The following FBXL13 variants were observed in gnomAD, a reference collection of about 807,000 sequenced individuals.
The protein encoded by FBXL13 is F-box and leucine-rich repeat protein 13.
A neutral mutation model predicts 83.6 loss-of-function variants in FBXL13; 67 were observed. The observed-to-expected ratio is 0.80, with a 90% CI of 0.66 to 0.98. FBXL13 has a LOEUF of 0.98. Among genes scored for constraint, FBXL13 ranks in the 50% least tolerant of loss-of-function variants. The pLI, the probability that FBXL13 is intolerant of heterozygous loss-of-function variation, is 0.00. For synonymous variants in FBXL13, 272 were observed against 299.5 expected (o/e 0.91, Z 0.95); for missense variants, 822 against 866.5 (o/e 0.95, Z 0.64).
chr7:102,933,885 G>T (rs1185837608), intron 8 of FBXL13: 2 of 1,563,524 alleles, frequency 1.3e-6, no homozygotes, highest in African/African-American at 2.7e-5. Context: ...TCTGTAACAC[G>T]AAGTAATTGG....
At chr7:102,952,126 G>A (rs1349228495) in intron 8 of FBXL13, among the ~76,000 whole-genome samples, 2 of 152,076 alleles carry the variant, frequency 1.3e-5, no homozygotes, top group South Asian at 2.1e-4. Flanking sequence ...ACTTATATGC[G>A]GCACCTAGAG....
At chr7:103,024,608 GA>G (rs869125542) in intron 6 of FBXL13, among the ~76,000 whole-genome samples, 3 of 148,922 alleles carry the variant, frequency 2.0e-5, no homozygotes, top group Admixed American at 6.7e-5. Flanking sequence ...AAGTGTGGGG[GA>G]AAAAAATCTC....
chr7:102,983,422 C>CTTTT (rs372458751), intron 6 of FBXL13, among the ~76,000 whole-genome samples: 5 of 111,594 alleles, frequency 4.5e-5, no homozygotes, highest in Non-Finnish European at 1.9e-5. Context: ...CTTTTTTCCC[C>CTTTT]TTTTTTTTTT....
At chr7:102,976,688 T>G (rs1032980637) in intron 6 of FBXL13, among the ~76,000 whole-genome samples, 2 of 152,084 alleles carry the variant, frequency 1.3e-5, no homozygotes, top group Non-Finnish European at 2.9e-5. Flanking sequence ...CCAGTTCCTA[T>G]CACAGAAGCA....
intron 8 of FBXL13, among the ~76,000 whole-genome samples, chr7:102,960,514 A>G (rs562919310): frequency 1.3e-3 from 202 of 151,482 alleles, no homozygotes; most frequent in African/African-American, 4.7e-3. Context: ...TACCAAAGCC[A>G]GGCAGAGACA....
intron 6 of FBXL13, among the ~76,000 whole-genome samples, chr7:103,023,539 T>G (rs1437504079): frequency 6.6e-6 from 1 of 152,162 alleles, no homozygotes; most frequent in Admixed American, 6.5e-5. Context: ...GTAAATTAGC[T>G]CAGCCATTGT....
At chr7:102,973,109 T>C (rs1198556088) in intron 6 of FBXL13, 1 of 169,040 alleles carries the variant, frequency 5.9e-6, no homozygotes, top group Non-Finnish European at 1.3e-5. Context: ...AAATTCTCCA[T>C]GATTTCACTT....
chr7:103,060,020 T>TATA (rs1797705656), intron 1 of FBXL13, among the ~76,000 whole-genome samples: 2 of 50,072 alleles, frequency 4.0e-5, no homozygotes, highest in Non-Finnish European at 8.1e-5. Context: ...GCAAGATATT[T>TATA]TATATATATA....
intron 11 of FBXL13, among the ~76,000 whole-genome samples, chr7:102,908,019 A>G (rs1299845317): frequency 6.6e-6 from 1 of 152,206 alleles, no homozygotes; most frequent in Non-Finnish European, 1.5e-5. Flanking sequence ...TTCCTGAAGG[A>G]TCTAGAACTA....
At chr7:102,882,932 A>G (rs1056345506) in intron 14 of FBXL13, among the ~76,000 whole-genome samples, 3 of 152,146 alleles carry the variant, frequency 2.0e-5, no homozygotes, top group African/African-American at 7.2e-5. Flanking sequence ...CCAGTACCCA[A>G]GAGGAAAACC....
rs80028503 is a variant in FBXL13 at position 102,935,642 on chromosome 7, T to C, written c.725-3709A>G. Reference sequence around the variant, plus strand: ...AGCTAAGAAAACAGACGGGAGATTTTAGTAATGCTCTTGACATGTTAGTGA... The same window carrying C: ...AGCTAAGAAAACAGACGGGAGATTTCAGTAATGCTCTTGACATGTTAGTGA... On this transcript the variant is annotated intron_variant, in intron 8 of 19. Transcript: ENST00000313221. Among the ~76,000 whole-genome samples, 570 of 152,280 alleles carry C rather than the reference T, an allele frequency of 3.7e-3. 5 individuals carry two copies. The highest frequency in any genetic ancestry group is 0.013 in the African/African-American group (561 of 41,556).
At chr7:102,848,948 C>T (rs906598096) in intron 17 of FBXL13, among the ~76,000 whole-genome samples, 33 of 152,038 alleles carry the variant, frequency 2.2e-4, no homozygotes, top group African/African-American at 7.7e-4. Flanking sequence ...TGCAGTGAGT[C>T]GAGATCGTGC....
intron 17 of FBXL13, among the ~76,000 whole-genome samples, chr7:102,846,903 G>A (rs909490225): frequency 6.6e-6 from 1 of 152,048 alleles, no homozygotes; most frequent in Non-Finnish European, 1.5e-5. Context: ...GTGGCTGTCT[G>A]CCTGCCCAGC....
intron 1 of FBXL13, among the ~76,000 whole-genome samples, chr7:103,066,200 T>C (rs12535788): frequency 0.039 from 5,932 of 152,288 alleles, 154 homozygotes; most frequent in East Asian, 0.15. Context: ...TTAACTAAAA[T>C]TGCATTGAAT....
At chr7:103,038,226 T>G (rs1008527802) in intron 2 of FBXL13, among the ~76,000 whole-genome samples, 3 of 152,202 alleles carry the variant, frequency 2.0e-5, no homozygotes, top group Non-Finnish European at 4.4e-5. Flanking sequence ...GAGATCGACC[T>G]GCGACACTGC....
Position 102,986,014 on chromosome 7 carries a change from G to A in FBXL13, c.496-17897C>T, listed in dbSNP as rs575566080. ...ACCCCACATCCCTGGAACCTGGCAC[G>A]ATGCCCCCCCCCCATCAATACATTT... On this transcript the variant is annotated intron_variant, in intron 6 of 19. Transcript: ENST00000313221. Among the ~76,000 whole-genome samples the A allele has an allele frequency of 2.9e-5, 4 of 139,400 alleles. No homozygotes were observed. The East Asian group carries it at 6.4e-4, about 22-fold the overall frequency. The allele number at this position is 139,400 out of a possible 152,430, so 91.5% of individuals were successfully genotyped here.
chr7:102,873,575 C>G (rs1808818776), intron 16 of FBXL13, among the ~76,000 whole-genome samples: 1 of 152,198 alleles, frequency 6.6e-6, no homozygotes, highest in African/African-American at 2.4e-5. Context: ...CCATATCTGT[C>G]TAGCAGATAG....
intron 11 of FBXL13, among the ~76,000 whole-genome samples, chr7:102,887,844 C>G (rs1401478387): frequency 6.6e-6 from 1 of 152,162 alleles, no homozygotes; most frequent in East Asian, 1.9e-4. Context: ...ATAAAATTAA[C>G]CATCACAGAA....
intron 18 of FBXL13, among the ~76,000 whole-genome samples, chr7:102,826,913 ATGCTATATTT>A (rs150074527): frequency 0.016 from 2,413 of 150,328 alleles, 57 homozygotes; most frequent in African/African-American, 0.056. Context: ...ATGTTATATT[ATGCTATATTT>A]GGCTATTTCC....
Sources: gnomAD v4.1 joint callset for allele counts (sites outside exome capture counted in the v4.1 genomes callset) on GRCh38, gnomAD v4.1.1 for gene constraint, MANE v1.5 for transcripts, NCBI Gene and HGNC (gene_info 2026-07-23, HGNC 2026-07-21) for gene names.